The following WDR38 variants were observed in gnomAD, a reference collection of about 807,000 sequenced individuals.
WDR38 encodes the protein WD repeat-containing protein 38.
A neutral mutation model predicts 36.6 loss-of-function variants in WDR38; 37 were observed. The ratio of observed to expected loss-of-function variants is 1.01; its 90% CI spans 0.78 to 1.33. WDR38 has a LOEUF of 1.33. Among genes scored for constraint, WDR38 ranks in the 40% most tolerant of loss-of-function variants. The pLI is 0.00. For missense variants in WDR38, 411 were observed against 414.6 expected (o/e 0.99, Z 0.07); for synonymous variants, 164 against 168.1 (o/e 0.98, Z 0.19).
chr9:124,855,841 C>T lies in WDR38; in HGVS notation c.308-20C>T. The T allele has an allele frequency of 3.1e-6, 5 of 1,614,060 alleles. No homozygotes were observed. Among genetic ancestry groups the T allele is most frequent in the Non-Finnish European group, 4.2e-6 (5 of 1,180,046 alleles). On this transcript the variant is annotated intron_variant, in intron 3 of 8. Coordinates refer to ENST00000373574, the MANE Select transcript of WDR38 (RefSeq NM_001045476.3). ...CACGTCACCTTTCCACCTTCCCCGA[C>T]CCCGGGCTGGTGCCTGCAGGTCACC...
rs758528083 is a variant in WDR38, at chr9:124,856,546, A to G, written c.564A>G (p.Leu188=). The change falls in exon 6 of 9, where the codon CTA becomes CTG. Residue 188 remains leucine (L), a synonymous_variant. Transcript: ENST00000373574. ...CCCCAGCAGTCTCCCACCAGGCGCT[A>G]GAGGGACACAGTGCCAACATCAGCT... ...MVTPAVSHQA[L]EGHSANISCL... 1 of 1,613,334 alleles carries G rather than the reference A, an allele frequency of 6.2e-7. No individual in the cohort carries two copies. Among genetic ancestry groups the G allele is most frequent in the African/African-American group, 1.3e-5 (1 of 75,012 alleles).
Position 124,856,210 on chromosome 9 carries a change from C to T in WDR38, c.406-30C>T, listed in dbSNP as rs938701803. 7.4e-6 allele frequency: 12 copies of T among 1,613,658 alleles called. No individual in the cohort carries two copies. In the Middle Eastern group the frequency reaches 5.0e-4, roughly 67 times the overall value. ...AGGCCAGGTAGCCGGCTGCCCTCTG[C>T]TGCCTTCTGCAGCTCAGGGCTCTCT... On this transcript the variant is annotated intron_variant, in intron 4 of 8. Coordinates refer to ENST00000373574, the MANE Select transcript of WDR38 (RefSeq NM_001045476.3).
At chr9:124,855,580 G>T in intron 2 of WDR38, 54 bp from the exon 3 acceptor site, 6 of 1,550,012 alleles carry the variant, frequency 3.9e-6, no homozygotes, top group Non-Finnish European at 5.3e-6. Context: ...ATTGGACTGC[G>T]TGGGCAGAAG....
chr9:124,857,864 G>A lies in WDR38; in HGVS notation c.*234G>A. The A allele has an allele frequency of 5.0e-6, 8 of 1,598,786 alleles. No individual in the cohort carries two copies. The highest frequency in any genetic ancestry group is 6.8e-6 in the Non-Finnish European group (8 of 1,170,536). On this transcript the variant is annotated 3_prime_UTR_variant, in exon 9 of 9. Coordinates refer to ENST00000373574, the MANE Select transcript of WDR38 (RefSeq NM_001045476.3). The stretch of plus-strand genomic sequence containing the variant: ...ACCCACCTCCACCCAATCAGTGGAA[G>A]TGCCAGGAAACAAAGCAGTCTCAGC...
chr9:124,857,676 G>C lies in WDR38; in HGVS notation c.*46G>C, dbSNP rs760477737. On this transcript the variant is annotated 3_prime_UTR_variant, in exon 9 of 9. Transcript: ENST00000373574. ...GCCGACCTCACCCGCTCCCCTCAGT[G>C]GCGCACAGGCATGCCGCTTCTCCCC... is the stretch of plus-strand genomic sequence containing the variant. 5 of 1,610,158 alleles carry C rather than the reference G, an allele frequency of 3.1e-6. No homozygotes were observed. Among genetic ancestry groups the C allele is most frequent in the Non-Finnish European group, 4.2e-6 (5 of 1,179,464 alleles).
Position 124,853,558 on chromosome 9 carries a change from G to T in WDR38, c.27G>T (p.Leu9=). Reference sequence around the variant, plus strand: ...TGAACAGCGGGGTCCCGGCCACGCTGGCCGTGCGGAGAGTGAAATTCTTCG... The same window carrying T: ...TGAACAGCGGGGTCCCGGCCACGCTTGCCGTGCGGAGAGTGAAATTCTTCG... MNSGVPAT[L]AVRRVKFFGQ... The change falls in exon 1 of 9, where the codon CTG becomes CTT. Residue 9 remains leucine, a synonymous_variant. Transcript: ENST00000373574. 8.0e-7 allele frequency: 1 copy of T among 1,253,034 alleles called. No homozygotes were observed. Among genetic ancestry groups the T allele is most frequent in the South Asian group, 4.0e-5 (1 of 24,904 alleles). The allele number at this position is 1,253,034 out of a possible 1,614,324, so 77.6% of individuals were successfully genotyped here.
chr9:124,854,263 G>T lies in WDR38; in HGVS notation c.128G>T (p.Gly43Val). The change falls in exon 2 of 9, where the codon GGC becomes GTC. Residue 43 changes from glycine to valine, a missense_variant. Transcript: ENST00000373574. ...GQMLLTGSED[G>V]CVYGWETRSG... ...ATGCTGCTCACAGGCTCAGAAGATG[G>T]CTGCGTGTATGGCTGGGAGACCCGG... 1 of 1,614,126 alleles carries T rather than the reference G, an allele frequency of 6.2e-7. No homozygotes were observed. The highest frequency in any genetic ancestry group is 8.5e-7 in the Non-Finnish European group (1 of 1,179,996).
At chr9:124,855,564 G>A in intron 2 of WDR38, 70 bp from the exon 3 acceptor site, 1 of 1,474,620 alleles carries the variant, frequency 6.8e-7, no homozygotes, top group South Asian at 1.2e-5. Context: ...GGAGAAATTA[G>A]CAAGGATTGG....
intron 7 of WDR38, 39 bp from the exon 8 acceptor site, chr9:124,857,325 C>G: frequency 6.3e-7 from 1 of 1,587,460 alleles, no homozygotes; most frequent in Non-Finnish European, 8.5e-7. Flanking sequence ...GCCACAGTGG[C>G]CTGGTGAGGC....
In WDR38 at chr9:124,856,892, C is replaced by T. The variant is rs776185483; in HGVS notation, c.768+11C>T. On this transcript the variant is annotated intron_variant, in intron 7 of 8. Transcript: ENST00000373574. ...GGCTATTCCCGCATGGTAACCACCC[C>T]GGGCCCATCCTGCTCCTACCTACCC... is the stretch of plus-strand genomic sequence containing the variant. 10 of 1,613,230 alleles carry T rather than the reference C, an allele frequency of 6.2e-6. No individual in the cohort carries two copies. The highest frequency in any genetic ancestry group is 1.1e-5 in the South Asian group (1 of 91,088).
intron 5 of WDR38, 53 bp from the exon 6 acceptor site, chr9:124,856,416 A>T: frequency 6.2e-7 from 1 of 1,612,352 alleles, no homozygotes; most frequent in Non-Finnish European, 8.5e-7. Flanking sequence ...TCCCGCCTAG[A>T]TGCAGAGTGG....
chr9:124,857,670 C>T lies in WDR38; in HGVS notation c.*40C>T, dbSNP rs752565889. 14 of 1,611,134 alleles carry T rather than the reference C, an allele frequency of 8.7e-6. No homozygotes were observed. In the South Asian group the frequency reaches 1.4e-4, roughly 16 times the overall value. ...GATGGTGCCGACCTCACCCGCTCCCCTCAGTGGCGCACAGGCATGCCGCTT... is the reference window on the plus strand; with the variant it reads ...GATGGTGCCGACCTCACCCGCTCCCTTCAGTGGCGCACAGGCATGCCGCTT... On this transcript the variant is annotated 3_prime_UTR_variant, in exon 9 of 9. Transcript: ENST00000373574.
At chr9:124,856,974 T>G (rs1829092615) in intron 7 of WDR38, 93 bp downstream of exon 7, 14 of 1,562,760 alleles carry the variant, frequency 9.0e-6, no homozygotes, top group Non-Finnish European at 1.1e-5. Context: ...ACATCCCCAC[T>G]TGCCCTAGCT....
rs574881495 is a variant in WDR38, at chr9:124,853,667, G to A, written c.69+67G>A. 6.9e-6 allele frequency: 8 copies of A among 1,165,610 alleles called. No individual in the cohort carries two copies. The East Asian group carries it at 2.4e-4, about 35-fold the overall frequency. 72.2% of individuals were successfully genotyped at this position (1,165,610 alleles called of 1,614,324 possible). A position where few individuals can be genotyped will look rare whatever the true frequency, so the allele number is the denominator to read the frequency against. On this transcript the variant is annotated intron_variant, in intron 1 of 8. Coordinates refer to ENST00000373574, the MANE Select transcript of WDR38 (RefSeq NM_001045476.3). ...GCAGAGTGGTTCCTGGTTCTGTGTA[G>A]TGGGGGTTCCAGAATGTTCTCTGGG...
In WDR38 at chr9:124,854,223, T is replaced by TC; in HGVS notation, c.92dup (p.Asp32Ter). ...TTTCTAGGTCAACTCTTCTGCCTTCTCCCCTGATGGCCAGATGCTGCTCAC... is the reference window on the plus strand; with the variant it reads ...TTTCTAGGTCAACTCTTCTGCCTTCTCCCCCTGATGGCCAGATGCTGCTCAC... On this transcript the variant is annotated frameshift_variant, in exon 2 of 9. Coordinates refer to ENST00000373574, the MANE Select transcript of WDR38 (RefSeq NM_001045476.3). LOFTEE classifies it high-confidence loss of function. 1 of 1,614,106 alleles carries TC rather than the reference T, an allele frequency of 6.2e-7. No homozygotes were observed. Among genetic ancestry groups the TC allele is most frequent in the Non-Finnish European group, 8.5e-7 (1 of 1,179,976 alleles).
rs568308439 is a variant in WDR38, at chr9:124,853,824, C to G, written c.69+224C>G. Among the ~76,000 whole-genome samples, 102 of 152,254 alleles carry G rather than the reference C, an allele frequency of 6.7e-4. 5 individuals carry two copies. In the South Asian group the frequency reaches 0.02, roughly 30 times the overall value. On this transcript the variant is annotated intron_variant, in intron 1 of 8. Coordinates refer to ENST00000373574, the MANE Select transcript of WDR38 (RefSeq NM_001045476.3). ...TCTAAGCTCTGCCTGTAAAAAGAGCCCCGGGCTCTGGGCTCTGCCTCGAGA... is the reference window on the plus strand; with the variant it reads ...TCTAAGCTCTGCCTGTAAAAAGAGCGCCGGGCTCTGGGCTCTGCCTCGAGA...
intron 2 of WDR38, among the ~76,000 whole-genome samples, chr9:124,854,605 G>A (rs1006591728): frequency 6.6e-6 from 1 of 152,016 alleles, no homozygotes; most frequent in African/African-American, 2.4e-5. Flanking sequence ...TGACAGAGTC[G>A]CTCTCTGTCA....
chr9:124,857,841 C>A lies in WDR38; in HGVS notation c.*211C>A. On this transcript the variant is annotated 3_prime_UTR_variant, in exon 9 of 9. Transcript: ENST00000373574. ...ACCTGGTCCCCAAAACCAGACCCAC[C>A]CACCTCCACCCAATCAGTGGAAGTG... 1 of 1,574,988 alleles carries A rather than the reference C, an allele frequency of 6.3e-7. No individual in the cohort carries two copies. Among genetic ancestry groups the A allele is most frequent in the Non-Finnish European group, 8.6e-7 (1 of 1,156,108 alleles).
At position 124,856,842 on chromosome 9, in the gene WDR38, C is replaced by T. The variant is rs1222966668; in HGVS notation, c.729C>T (p.Pro243=). 1.4e-5 allele frequency: 22 copies of T among 1,614,054 alleles called. No individual in the cohort carries two copies. Among genetic ancestry groups the T allele is most frequent in the Admixed American group, 1.7e-5 (1 of 60,010 alleles). The change falls in exon 7 of 9, where the codon CCC becomes CCT. Residue 243 remains proline, a synonymous_variant. Transcript: ENST00000373574. ...GGGTGAAGAGCATAGCCTTCTCTCCCGACGAGCTGTGGCTGGCCAGCGCCG... is the reference window on the plus strand; with the variant it reads ...GGGTGAAGAGCATAGCCTTCTCTCCTGACGAGCTGTGGCTGGCCAGCGCCG... ...VTWVKSIAFS[P]DELWLASAGY...
Sources: gnomAD v4.1 joint callset for allele counts (sites outside exome capture counted in the v4.1 genomes callset) on GRCh38, gnomAD v4.1.1 for gene constraint, MANE v1.5 for transcripts, NCBI Gene and HGNC (gene_info 2026-07-23, HGNC 2026-07-21) for gene names.